WWOX: variants seen among roughly 807,000 people sequenced by gnomAD.
The protein encoded by WWOX is WW domain containing oxidoreductase.
In WWOX, 69 loss-of-function variants were observed where a neutral mutation model predicts 46.2. That is an observed-to-expected ratio of 1.49 (90% confidence interval 1.23 to 1.82). The LOEUF is 1.82. Among genes scored for constraint, WWOX ranks in the 40% most tolerant of loss-of-function variants. The pLI is 0.00. For missense variants in WWOX, 919 were observed against 542.6 expected (o/e 1.69, Z -6.89); for synonymous variants, 359 against 202.6 (o/e 1.77, Z -6.56).
intron 8 of WWOX, among the ~76,000 whole-genome samples, chr16:78,780,220 T>C (rs935098771): frequency 1.3e-5 from 2 of 152,100 alleles, no homozygotes; most frequent in African/African-American, 4.8e-5. Context: ...AAAACACCCA[T>C]ACCATTCTTA....
chr16:78,105,744 A>G (rs1049494464), intron 1 of WWOX, among the ~76,000 whole-genome samples: 6 of 152,138 alleles, frequency 3.9e-5, no homozygotes, highest in Admixed American at 6.5e-5. Flanking sequence ...GGCTCTTTCT[A>G]TGCCAGCCTG....
In WWOX at chr16:78,449,068, A is replaced by T. The variant is rs74322901; in HGVS notation, c.1056+16316A>T. On this transcript the variant is annotated intron_variant, in intron 8 of 8. Transcript: ENST00000566780. ...ATGTCAAGTAGGCATTATACCAGGTAACAATCTCAAGACTCAGCAGGGAAG... is the reference window on the plus strand; with the variant it reads ...ATGTCAAGTAGGCATTATACCAGGTTACAATCTCAAGACTCAGCAGGGAAG... 1.1e-4 allele frequency among the ~76,000 whole-genome samples: 16 copies of T among 152,274 alleles called. No homozygotes were observed. The East Asian group carries it at 3.1e-3, about 29-fold the overall frequency.
At chr16:78,908,505 A>G (rs999178065) in intron 8 of WWOX, among the ~76,000 whole-genome samples, 4 of 149,238 alleles carry the variant, frequency 2.7e-5, no homozygotes, top group Admixed American at 2.0e-4. Flanking sequence ...ACACCACTGC[A>G]CTCCAGCCTG....
At chr16:78,970,734 G>A (rs1249563178) in intron 8 of WWOX, among the ~76,000 whole-genome samples, 2 of 152,000 alleles carry the variant, frequency 1.3e-5, no homozygotes, top group Admixed American at 6.6e-5. Flanking sequence ...ACAGAACAGT[G>A]TGTACCTCCC....
intron 5 of WWOX, among the ~76,000 whole-genome samples, chr16:78,193,018 C>T (rs1247890994): frequency 2.6e-5 from 4 of 152,190 alleles, no homozygotes; most frequent in East Asian, 1.9e-4. Context: ...TCCACAGTCA[C>T]GGGTGGGCTT....
chr16:78,815,001 G>A (rs1309581533), intron 8 of WWOX, among the ~76,000 whole-genome samples: 1 of 152,152 alleles, frequency 6.6e-6, no homozygotes, highest in Non-Finnish European at 1.5e-5. Context: ...GCTCCCTGCA[G>A]GGTGTCACTT....
At chr16:78,184,372 C>G (rs553214569) in intron 5 of WWOX, among the ~76,000 whole-genome samples, 9 of 152,164 alleles carry the variant, frequency 5.9e-5, no homozygotes, top group African/African-American at 1.9e-4. Flanking sequence ...AGAAAATGAC[C>G]TCATTATCAT....
rs948756369 is a variant in WWOX at position 78,738,359 on chromosome 16, A to T, written c.1056+305607A>T. On this transcript the variant is annotated intron_variant, in intron 8 of 8. Transcript: ENST00000566780. ...TATGGTAATAATTAGGCATAAAATCAATATTTATGTGTAATGTGCCATTTG... is the reference window on the plus strand; with the variant it reads ...TATGGTAATAATTAGGCATAAAATCTATATTTATGTGTAATGTGCCATTTG... Among the ~76,000 whole-genome samples the T allele has an allele frequency of 2.0e-5, 3 of 152,300 alleles. No individual in the cohort carries two copies. In the East Asian group the frequency reaches 5.8e-4, roughly 29 times the overall value.
chr16:78,567,835 C>T (rs1238369924), intron 8 of WWOX, among the ~76,000 whole-genome samples: 1 of 152,042 alleles, frequency 6.6e-6, no homozygotes. Flanking sequence ...GGCCCATTAC[C>T]GGCTGGAGTG....
chr16:78,622,706 T>A (rs115135671), intron 8 of WWOX, among the ~76,000 whole-genome samples: 2,509 of 151,994 alleles, frequency 0.017, 68 homozygotes, highest in African/African-American at 0.057. Flanking sequence ...TTCTGACCAA[T>A]AGAATATGAA....
intron 8 of WWOX, among the ~76,000 whole-genome samples, chr16:78,904,577 A>G (rs2151246433): frequency 6.6e-6 from 1 of 152,088 alleles, no homozygotes; most frequent in Non-Finnish European, 1.5e-5. Context: ...CTGGAAATGT[A>G]AACCCTCCCT....
intron 4 of WWOX, among the ~76,000 whole-genome samples, chr16:78,138,421 G>C (rs1037165170): frequency 6.6e-5 from 10 of 152,054 alleles, no homozygotes; most frequent in Admixed American, 4.6e-4. Flanking sequence ...CTCAGAATAA[G>C]GATGTGAAAA....
At chr16:79,084,466 G>C (rs1263642203) in intron 8 of WWOX, among the ~76,000 whole-genome samples, 2 of 152,070 alleles carry the variant, frequency 1.3e-5, no homozygotes, top group Non-Finnish European at 2.9e-5. Context: ...TGTTGCCCAG[G>C]GTAGAGTGCA....
At chr16:78,845,409 C>G (rs2052272825) in intron 8 of WWOX, among the ~76,000 whole-genome samples, 1 of 152,114 alleles carries the variant, frequency 6.6e-6, no homozygotes, top group African/African-American at 2.4e-5. Flanking sequence ...ATTCCAAACC[C>G]TTTTTAGGAG....
intron 8 of WWOX, among the ~76,000 whole-genome samples, chr16:78,720,706 G>A (rs1448179267): frequency 6.6e-6 from 1 of 151,940 alleles, no homozygotes; most frequent in Non-Finnish European, 1.5e-5. Flanking sequence ...TTCTGCAAGC[G>A]TGGTTTACAC....
intron 8 of WWOX, among the ~76,000 whole-genome samples, chr16:79,187,538 C>G (rs1597457743): frequency 6.6e-6 from 1 of 152,114 alleles, no homozygotes; most frequent in Non-Finnish European, 1.5e-5. Context: ...GTAGCTGGGA[C>G]TACAGGCCCC....
chr16:78,560,307 G>C (rs1466919502), intron 8 of WWOX, among the ~76,000 whole-genome samples: 1 of 152,174 alleles, frequency 6.6e-6, no homozygotes, highest in Admixed American at 6.5e-5. Context: ...CTAGCTGCTG[G>C]TCTGTATTTA....
At chr16:78,972,500 C>T (rs2046491271) in intron 8 of WWOX, among the ~76,000 whole-genome samples, 1 of 151,574 alleles carries the variant, frequency 6.6e-6, no homozygotes, top group Non-Finnish European at 1.5e-5. Flanking sequence ...GAACCTGAAG[C>T]CGCCAAGAGA....
chr16:78,786,247 ACAAT>A (rs1410967882), intron 8 of WWOX, among the ~76,000 whole-genome samples: 1 of 152,196 alleles, frequency 6.6e-6, no homozygotes, highest in Admixed American at 6.5e-5. Context: ...TTAAGTCGAG[ACAAT>A]CAATAAAGCA....
Sources: gnomAD v4.1 joint callset for allele counts (sites outside exome capture counted in the v4.1 genomes callset) on GRCh38, gnomAD v4.1.1 for gene constraint, MANE v1.5 for transcripts, NCBI Gene and HGNC (gene_info 2026-07-23, HGNC 2026-07-21) for gene names.